The following EDARADD variants were observed in gnomAD, a reference collection of about 807,000 sequenced individuals.
EDARADD encodes ectodysplasin-A receptor-associated adapter protein.
Under a neutral mutation model 25.6 loss-of-function variants are expected in EDARADD, and 20 were observed. That is an observed-to-expected ratio of 0.78 (90% CI 0.55 to 1.14). The LOEUF (loss-of-function observed/expected upper bound fraction) is 1.14, where lower values mean the gene tolerates loss of function less well. Among genes scored for constraint, EDARADD ranks in the 50% most tolerant of loss-of-function variants. The pLI, the probability that EDARADD is intolerant of heterozygous loss-of-function variation, is 0.00. For missense variants in EDARADD, 225 were observed against 270.1 expected, an observed-to-expected ratio of 0.83 and a Z score of 1.17; for synonymous variants, 86 against 94.4, an observed-to-expected ratio of 0.91 and a Z score of 0.52.
At chr1:236,447,005 C>T (rs546575353) in intron 4 of EDARADD, among the ~76,000 whole-genome samples, 4 of 152,170 alleles carry the variant, frequency 2.6e-5, no homozygotes, top group African/African-American at 4.8e-5. Context: ...AGCCAATGGG[C>T]GAGGAGGGGG....
chr1:236,355,326 A>G (rs1421385635), intron 3 of EDARADD, among the ~76,000 whole-genome samples: 1 of 151,260 alleles, frequency 6.6e-6, no homozygotes, highest in Non-Finnish European at 1.5e-5. Context: ...TTTTTCTGTC[A>G]CTCTTTTATC....
At chr1:236,419,706 C>G (rs970335884) in intron 3 of EDARADD, among the ~76,000 whole-genome samples, 2 of 152,244 alleles carry the variant, frequency 1.3e-5, no homozygotes, top group East Asian at 3.9e-4. Flanking sequence ...GGTGACCGCT[C>G]TAGCTGTAAA....
At chr1:236,402,532 G>A (rs139063401) in intron 1 of EDARADD, among the ~76,000 whole-genome samples, 129 of 152,272 alleles carry the variant, frequency 8.5e-4, no homozygotes, top group African/African-American at 3.0e-3. Context: ...ACTCCAGCCT[G>A]GGTGAGAGAG....
chr1:236,427,438 T>C lies in EDARADD; in HGVS notation c.207T>C (p.Asp69=). The C allele has an allele frequency of 3.1e-6, 5 of 1,612,230 alleles. No individual in the cohort carries two copies. The highest frequency in any genetic ancestry group is 4.2e-6 in the Non-Finnish European group (5 of 1,179,348). The change falls in exon 4 of 6, where the codon GAT becomes GAC. Residue 69 remains aspartate, a synonymous_variant. Coordinates refer to ENST00000334232, the MANE Select transcript of EDARADD (RefSeq NM_145861.4). ...TITLNCPRNS[D]MKNQGEENGF... ...CTTTGAACTGCCCACGAAATTCAGA[T>C]ATGAAAAATCAGGTAAGAATAATTT...
intron 4 of EDARADD, among the ~76,000 whole-genome samples, chr1:236,464,634 T>C (rs1023768965): frequency 6.6e-5 from 10 of 151,906 alleles, no homozygotes; most frequent in Non-Finnish European, 1.5e-4. Flanking sequence ...GGTTTTGCCA[T>C]GTTGGCCAGG....
chr1:236,379,109 C>T (rs1329143318), intron 3 of EDARADD, among the ~76,000 whole-genome samples: 1 of 152,200 alleles, frequency 6.6e-6, no homozygotes, highest in Non-Finnish European at 1.5e-5. Context: ...GTGGCTCACA[C>T]CTGTAATCCC....
intron 3 of EDARADD, among the ~76,000 whole-genome samples, chr1:236,351,053 T>G (rs933778084): frequency 6.6e-6 from 1 of 151,796 alleles, no homozygotes; most frequent in African/African-American, 2.4e-5. Context: ...GCAGGAGGAT[T>G]GCTGGAGCCC....
At chr1:236,436,434 T>C (rs1658252337) in intron 4 of EDARADD, among the ~76,000 whole-genome samples, 1 of 151,860 alleles carries the variant, frequency 6.6e-6, no homozygotes, top group African/African-American at 2.4e-5. Flanking sequence ...AGTGCTGAGA[T>C]TACAGGCGTG....
chr1:236,440,288 A>C, intron 4 of EDARADD, among the ~76,000 whole-genome samples: 1 of 152,164 alleles, frequency 6.6e-6, no homozygotes, highest in East Asian at 1.9e-4. Flanking sequence ...GTAAGTCTTA[A>C]AGTTGGGTAG....
At chr1:236,379,218 A>G (rs1352639495) in intron 3 of EDARADD, among the ~76,000 whole-genome samples, 1 of 151,454 alleles carries the variant, frequency 6.6e-6, no homozygotes, top group East Asian at 1.9e-4. Flanking sequence ...AAAAATACAA[A>G]AATCAGCTGG....
chr1:236,374,166 T>G (rs998943612), intron 3 of EDARADD, among the ~76,000 whole-genome samples: 8 of 151,716 alleles, frequency 5.3e-5, no homozygotes, highest in African/African-American at 1.9e-4. Context: ...TCAATAGATA[T>G]CAATAATATC....
At chr1:236,435,847 T>C (rs1658236786) in intron 4 of EDARADD, among the ~76,000 whole-genome samples, 1 of 152,166 alleles carries the variant, frequency 6.6e-6, no homozygotes, top group Non-Finnish European at 1.5e-5. Context: ...GGATTCATTT[T>C]CTTAGCAAAT....
At chr1:236,439,624 A>C (rs536248870) in intron 4 of EDARADD, among the ~76,000 whole-genome samples, 1 of 152,310 alleles carries the variant, frequency 6.6e-6, no homozygotes, top group African/African-American at 2.4e-5. Context: ...ATCATTTTAT[A>C]GCTTATTTGC....
intron 3 of EDARADD, among the ~76,000 whole-genome samples, chr1:236,363,213 T>C (rs887379315): frequency 9.3e-5 from 14 of 150,996 alleles, no homozygotes; most frequent in African/African-American, 3.2e-4. Context: ...CTTTCATTGA[T>C]CCATGTGTCA....
chr1:236,364,812 A>C (rs762314858), intron 3 of EDARADD, among the ~76,000 whole-genome samples: 1 of 152,238 alleles, frequency 6.6e-6, no homozygotes, highest in African/African-American at 2.4e-5. Context: ...CATTTTCTAC[A>C]TAGATATCAT....
rs1658115507 is a variant in EDARADD, at chr1:236,432,244, A to AC, written c.219+4794_219+4795insC. ...ACCTGAACTCTACAAAAAATACAAA[A>AC]ATTAACCACACCTGTGGTCCCATGG... On this transcript the variant is annotated intron_variant, in intron 4 of 5. Transcript: ENST00000334232. 5.9e-5 allele frequency among the ~76,000 whole-genome samples: 9 copies of AC among 151,770 alleles called. No individual in the cohort carries two copies. In the South Asian group the frequency reaches 1.9e-3, roughly 32 times the overall value.
At chr1:236,459,869 A>G (rs1658992165) in intron 4 of EDARADD, among the ~76,000 whole-genome samples, 1 of 151,990 alleles carries the variant, frequency 6.6e-6, no homozygotes, top group South Asian at 2.1e-4. Flanking sequence ...CCGCCTCAGC[A>G]TCCCAAAGTG....
chr1:236,355,160 A>C (rs1259639602), intron 3 of EDARADD, among the ~76,000 whole-genome samples: 1 of 152,236 alleles, frequency 6.6e-6, no homozygotes, highest in Non-Finnish European at 1.5e-5. Context: ...ACTAAGTGAG[A>C]AACAATACAA....
intron 5 of EDARADD, among the ~76,000 whole-genome samples, chr1:236,468,746 C>G (rs1236609726): frequency 6.6e-6 from 1 of 152,230 alleles, no homozygotes; most frequent in Non-Finnish European, 1.5e-5. Context: ...TCTTACAAGA[C>G]TTCACAAAAG....
Sources: allele counts gnomAD v4.1 joint callset (sites outside exome capture counted in the v4.1 genomes callset), GRCh38; gene constraint gnomAD v4.1.1; transcripts MANE v1.5; gene names NCBI Gene and HGNC (gene_info 2026-07-23, HGNC 2026-07-21).